The following UTP20 variants were observed in gnomAD, a reference collection of about 807,000 sequenced individuals.
UTP20 encodes the protein small subunit processome component 20 homolog.
A neutral mutation model predicts 329.5 loss-of-function variants in UTP20; 164 were observed. That is an observed-to-expected ratio of 0.50 (90% CI 0.44 to 0.57). UTP20 has a LOEUF of 0.57. UTP20 is among the 20% of genes least tolerant of loss of function. UTP20 has a pLI of 0.00. For synonymous variants in UTP20, 1,151 were observed against 1,159.3 expected, an observed-to-expected ratio of 0.99 and a Z score of 0.14; for missense variants, 3,055 against 3,284.2, an observed-to-expected ratio of 0.93 and a Z score of 1.71.
intron 57 of UTP20, among the ~76,000 whole-genome samples, chr12:101,380,535 A>G (rs980759977): frequency 1.2e-4 from 18 of 152,054 alleles, no homozygotes; most frequent in African/African-American, 4.1e-4. Flanking sequence ...AGGAAGAAAA[A>G]AATATTGGAC....
Position 101,309,792 on chromosome 12 carries a change from A to G in UTP20, c.2184A>G (p.Leu728=), listed in dbSNP as rs141635329. The G allele has an allele frequency of 4.7e-5, 76 of 1,613,774 alleles. No homozygotes were observed. In the East Asian group the frequency reaches 1.4e-3, roughly 29 times the overall value. The part of the protein sequence containing the change: ...EVPLRYLLGM[L]YINFSALWDP... The stretch of plus-strand genomic sequence containing the variant: ...CGCTTCGTTATTTGTTAGGCATGCT[A>G]TATATTAATTTCAGTGCACTCTGGG... The change falls in exon 19 of 62, where the codon CTA becomes CTG. Residue 728 remains leucine, a synonymous_variant. Transcript: ENST00000261637.
Position 101,338,120 on chromosome 12 carries a change from A to C in UTP20, c.3711A>C (p.Ala1237=). The C allele has an allele frequency of 6.2e-7, 1 of 1,614,178 alleles. No homozygotes were observed. Among genetic ancestry groups the C allele is most frequent in the Non-Finnish European group, 8.5e-7 (1 of 1,180,018 alleles). ...PECDILTNVF[A]ILSAKNLSDA... is the part of the protein sequence containing the mutation. ...GTGATATCCTGACCAATGTTTTTGC[A>C]ATTCTCTCAGCGAAGAATCTTTCTG... The change falls in exon 30 of 62, where the codon GCA becomes GCC. Residue 1237 remains alanine, a synonymous_variant. Transcript: ENST00000261637.
chr12:101,291,759 A>G lies in UTP20; in HGVS notation c.909A>G (p.Leu303=), dbSNP rs762736591. The change falls in exon 9 of 62, where the codon CTA becomes CTG. Residue 303 remains leucine (L), a synonymous_variant. Transcript: ENST00000261637. ...FECLQESLLD[L]HTKVTKTNCC... ...GTTTGCAGGAATCGCTCTTGGATCT[A>G]CACACAAAAGTAACAAAAACTAACT... is the stretch of plus-strand genomic sequence containing the variant. 1.3e-6 allele frequency: 2 copies of G among 1,596,322 alleles called. No homozygotes were observed. Among genetic ancestry groups the G allele is most frequent in the East Asian group, 4.5e-5 (2 of 44,742 alleles).
In UTP20 at chr12:101,379,511, C is replaced by G; in HGVS notation, c.7537C>G (p.Pro2513Ala). ...TACCAAAAAGACCAAAAAACACCTC[C>G]CAGAACCTGTAGCAATCAAGTTCCT... Reference protein sequence around the residue: ...WNTKKTKKHLPEPVAIKFLAS... With the variant: ...WNTKKTKKHLAEPVAIKFLAS... The change falls in exon 57 of 62, where the codon CCA becomes GCA. Residue 2513 changes from proline to alanine, a missense_variant. By Grantham distance (27) the Pro-to-Ala change is conservative. Coordinates refer to ENST00000261637, the MANE Select transcript of UTP20 (RefSeq NM_014503.3). 1 of 1,614,090 alleles carries G rather than the reference C, an allele frequency of 6.2e-7. No homozygotes were observed.
At position 101,281,233 on chromosome 12, in the gene UTP20, C is replaced by G. The variant is rs751964555; in HGVS notation, c.126+37C>G. The G allele has an allele frequency of 5.2e-6, 8 of 1,550,760 alleles. No individual in the cohort carries two copies. The South Asian group carries it at 5.7e-5, about 11-fold the overall frequency. The stretch of plus-strand genomic sequence containing the variant: ...TGATACTAGTCAATCTTCAAGTGTT[C>G]ATGGTGTTTTAGTTTCTTCTGTTAG... On this transcript the variant is annotated intron_variant, in intron 2 of 61. Coordinates refer to ENST00000261637, the MANE Select transcript of UTP20 (RefSeq NM_014503.3).
rs185571339 is a variant in UTP20 at position 101,296,488 on chromosome 12, G to A, written c.1430+830G>A. On this transcript the variant is annotated intron_variant, in intron 12 of 61. Transcript: ENST00000261637. ...CGGGAGGCTGAGGCAGGAGAATGGC[G>A]TGAACCCGGGAGGTGGAGCTTGCAG... 8.9e-3 allele frequency among the ~76,000 whole-genome samples: 1,343 copies of A among 151,502 alleles called. 26 individuals are homozygous for A. Among genetic ancestry groups the A allele is most frequent in the African/African-American group, 0.031 (1,282 of 41,314 alleles).
At position 101,385,663 on chromosome 12, in the gene UTP20, T is replaced by C; in HGVS notation, c.8137T>C (p.Phe2713Leu). The change falls in exon 61 of 62, where the codon TTT becomes CTT. Residue 2713 changes from phenylalanine (F) to leucine (L), a missense_variant. This residue lies in a region of UTP20 where 337 missense variants were observed against 345.5 expected (regional missense o/e 0.98). Transcript: ENST00000261637. Reference protein sequence around the residue: ...LVGLESFSLAFASVQKQANEK... With the variant: ...LVGLESFSLALASVQKQANEK... The stretch of plus-strand genomic sequence containing the variant: ...TGGGCTTGAGAGCTTCTCATTAGCC[T>C]TTGCCTCTGTACAGAAACAGGCTAA... The C allele has an allele frequency of 6.2e-7, 1 of 1,613,864 alleles. No homozygotes were observed. The highest frequency in any genetic ancestry group is 8.5e-7 in the Non-Finnish European group (1 of 1,179,970).
chr12:101,349,418 CT>C (rs775265689), intron 38 of UTP20, among the ~76,000 whole-genome samples: 3,093 of 138,506 alleles, frequency 0.022, 95 homozygotes, highest in African/African-American at 0.075. Flanking sequence ...TTTTTTCTTT[CT>C]TTTTTTTTTT....
At chr12:101,324,816 T>G (rs1014974565) in intron 25 of UTP20, among the ~76,000 whole-genome samples, 1 of 152,222 alleles carries the variant, frequency 6.6e-6, no homozygotes, top group Non-Finnish European at 1.5e-5. Flanking sequence ...CATCAGTATT[T>G]ATATTCATTT....
chr12:101,320,439 C>T (rs564598059), intron 23 of UTP20, among the ~76,000 whole-genome samples: 1 of 152,090 alleles, frequency 6.6e-6, no homozygotes, highest in South Asian at 2.1e-4. Flanking sequence ...GCCTGTGGTT[C>T]CAGCTTCTCG....
At chr12:101,379,020 C>T (rs1870562215) in intron 56 of UTP20, among the ~76,000 whole-genome samples, 2 of 152,188 alleles carry the variant, frequency 1.3e-5, no homozygotes, top group Non-Finnish European at 2.9e-5. Context: ...GTCCAATGAT[C>T]CAATTGGGGT....
intron 24 of UTP20, 120 bp downstream of exon 24, chr12:101,321,057 C>A: frequency 2.5e-6 from 2 of 813,362 alleles, no homozygotes; most frequent in South Asian, 2.3e-5. Flanking sequence ...TTTCTGAGGT[C>A]ATCGTATTTC....
intron 44 of UTP20, 33 bp downstream of exon 44, chr12:101,362,093 T>C (rs776003446): frequency 3.3e-6 from 5 of 1,521,340 alleles, no homozygotes; most frequent in Non-Finnish European, 4.5e-6. Context: ...CTAATTTTTT[T>C]TTAAGTGGGC....
intron 17 of UTP20, among the ~76,000 whole-genome samples, chr12:101,307,493 C>T (rs956827557): frequency 2.6e-5 from 4 of 152,248 alleles, no homozygotes; most frequent in African/African-American, 7.2e-5. Flanking sequence ...CCTCCTGGCT[C>T]ATCCTTCTGA....
chr12:101,290,292 G>T lies in UTP20; in HGVS notation c.735+18G>T. 1 of 1,573,854 alleles carries T rather than the reference G, an allele frequency of 6.4e-7. No individual in the cohort carries two copies. Among genetic ancestry groups the T allele is most frequent in the Non-Finnish European group, 8.6e-7 (1 of 1,164,542 alleles). On this transcript the variant is annotated intron_variant, in intron 7 of 61. Coordinates refer to ENST00000261637, the MANE Select transcript of UTP20 (RefSeq NM_014503.3). The stretch of plus-strand genomic sequence containing the variant: ...CAGGCCAGGTACATAATGGGGAGGG[G>T]TGCTTAGAGTCTATGTGGATGGATG...
intron 19 of UTP20, among the ~76,000 whole-genome samples, chr12:101,310,462 C>T (rs1352192297): frequency 5.3e-5 from 8 of 151,522 alleles, no homozygotes; most frequent in South Asian, 4.2e-4. Context: ...GTAATGCTAG[C>T]GACTCAGGAG....
intron 56 of UTP20, among the ~76,000 whole-genome samples, chr12:101,376,535 T>C (rs998957967): frequency 2.6e-5 from 4 of 152,162 alleles, no homozygotes; most frequent in African/African-American, 7.2e-5. Flanking sequence ...AACAGGGTCA[T>C]TGTGAATCTA....
intron 31 of UTP20, among the ~76,000 whole-genome samples, 172 bp downstream of exon 31, chr12:101,339,129 A>G (rs1050269307): frequency 2.0e-5 from 3 of 152,114 alleles, no homozygotes; most frequent in South Asian, 2.1e-4. Flanking sequence ...CCTGACCAAC[A>G]TGGCAAAACC....
chr12:101,335,370 G>A (rs1166071459), intron 29 of UTP20, among the ~76,000 whole-genome samples: 3 of 152,164 alleles, frequency 2.0e-5, no homozygotes, highest in African/African-American at 2.4e-5. Context: ...TAATAATTAT[G>A]TCAGCAGTTT....
Sources: gnomAD v4.1 joint callset for allele counts (sites outside exome capture counted in the v4.1 genomes callset) on GRCh38, gnomAD v4.1.1 for gene constraint, gnomAD v4.1.1 regional missense constraint, MANE v1.5 for transcripts, NCBI Gene and HGNC (gene_info 2026-07-23, HGNC 2026-07-21) for gene names.